TAFA2: variants seen among roughly 807,000 people sequenced by gnomAD.
TAFA2 encodes TAFA chemokine like family member 2, also known as chemokine-like protein TAFA-2.
TAFA2 carries 7 observed loss-of-function variants against 18.8 expected under a neutral mutation model. The observed-to-expected ratio is 0.37, with a 90% CI of 0.21 to 0.70. The LOEUF (loss-of-function observed/expected upper bound fraction) is 0.70. Ranked by LOEUF, TAFA2 falls within the 30% of genes least tolerant of loss-of-function variation. TAFA2 has a pLI of 0.53. For synonymous variants in TAFA2, 60 were observed against 54.2 expected (o/e 1.11, Z -0.47); for missense variants, 122 against 158.1 (o/e 0.77, Z 1.23).
intron 1 of TAFA2, among the ~76,000 whole-genome samples, chr12:61,878,366 AT>A (rs1181513224): frequency 6.6e-6 from 1 of 152,168 alleles, no homozygotes; most frequent in East Asian, 1.9e-4. Flanking sequence ...AAGAGTCGTA[AT>A]GGGAACAGCT....
chr12:62,040,547 A>C (rs1366424358), intron 1 of TAFA2, among the ~76,000 whole-genome samples: 1 of 152,130 alleles, frequency 6.6e-6, no homozygotes, highest in Non-Finnish European at 1.5e-5. Flanking sequence ...AAGCCAAGGA[A>C]CCTCAAGTAT....
At chr12:61,957,664 C>T (rs990865193) in intron 1 of TAFA2, among the ~76,000 whole-genome samples, 2 of 152,022 alleles carry the variant, frequency 1.3e-5, no homozygotes, top group African/African-American at 4.8e-5. Context: ...TCAGAGGAGC[C>T]TGATGAAAGT....
intron 1 of TAFA2, among the ~76,000 whole-genome samples, chr12:62,034,007 C>A (rs536823759): frequency 6.6e-6 from 1 of 152,164 alleles, no homozygotes. Context: ...AATCTAATCC[C>A]TTTATTCAAA....
intron 1 of TAFA2, among the ~76,000 whole-genome samples, chr12:61,947,135 TG>T (rs1565691977): frequency 7.3e-6 from 1 of 137,546 alleles, no homozygotes; most frequent in East Asian, 2.2e-4. Flanking sequence ...CCATAAAAAA[TG>T]ATGAGTTCAT....
intron 1 of TAFA2, among the ~76,000 whole-genome samples, chr12:61,874,880 T>G (rs1025502730): frequency 6.6e-6 from 1 of 152,072 alleles, no homozygotes; most frequent in African/African-American, 2.4e-5. Flanking sequence ...GTCTATAAAA[T>G]GGGAATGTTG....
chr12:61,879,006 C>A (rs1018956937), intron 1 of TAFA2, among the ~76,000 whole-genome samples: 2 of 152,076 alleles, frequency 1.3e-5, no homozygotes, highest in African/African-American at 4.8e-5. Flanking sequence ...ATTAGCACAG[C>A]CAGAACTCAA....
intron 1 of TAFA2, among the ~76,000 whole-genome samples, chr12:61,934,696 C>A (rs554933262): frequency 6.6e-6 from 1 of 152,226 alleles, no homozygotes; most frequent in African/African-American, 2.4e-5. Context: ...TGCTCTTCTG[C>A]ATCTCAGAAG....
At chr12:62,133,646 G>A (rs1870778065) in intron 1 of TAFA2, among the ~76,000 whole-genome samples, 1 of 151,896 alleles carries the variant, frequency 6.6e-6, no homozygotes, top group African/African-American at 2.4e-5. Context: ...TCTTCCCCTT[G>A]CCCTCCAAGG....
chr12:61,742,670 A>G (rs1413848978), intron 4 of TAFA2, among the ~76,000 whole-genome samples: 2 of 152,098 alleles, frequency 1.3e-5, no homozygotes, highest in African/African-American at 2.4e-5. Context: ...CCAGATTTCT[A>G]TCTTGACCTC....
intron 2 of TAFA2, among the ~76,000 whole-genome samples, chr12:61,825,015 G>A (rs772281817): frequency 3.3e-5 from 5 of 152,116 alleles, no homozygotes; most frequent in Admixed American, 6.6e-5. Flanking sequence ...AATTCCCATG[G>A]GAATAATATT....
intron 1 of TAFA2, among the ~76,000 whole-genome samples, chr12:61,869,411 C>T (rs10747945): frequency 0.6 from 91,657 of 152,054 alleles, 28,288 homozygotes; most frequent in South Asian, 0.72. Flanking sequence ...GCTCAATAAA[C>T]GCTAGCCATT....
At chr12:62,255,247 GA>G (rs1592422340) in intron 1 of TAFA2, 1 of 152,182 alleles carries the variant, frequency 6.6e-6, no homozygotes, top group Non-Finnish European at 1.5e-5. Context: ...TGAGGCTTAA[GA>G]AAGACTTCAG....
chr12:61,985,871 A>G (rs1019479888), intron 1 of TAFA2, among the ~76,000 whole-genome samples: 6 of 152,222 alleles, frequency 3.9e-5, no homozygotes, highest in African/African-American at 1.4e-4. Context: ...GATGTGAAAT[A>G]CAGATCCACA....
intron 1 of TAFA2, among the ~76,000 whole-genome samples, chr12:61,884,471 T>G (rs912888263): frequency 2.6e-5 from 4 of 152,182 alleles, no homozygotes; most frequent in African/African-American, 9.6e-5. Flanking sequence ...AGAAACTCTT[T>G]GATGATTATT....
intron 4 of TAFA2, among the ~76,000 whole-genome samples, chr12:61,750,275 C>A (rs1405721697): frequency 6.6e-6 from 1 of 152,004 alleles, no homozygotes; most frequent in African/African-American, 2.4e-5. Context: ...CTTAGGAGAT[C>A]TTAAAAGTAA....
At chr12:61,718,764 G>A (rs1869767770) in intron 4 of TAFA2, among the ~76,000 whole-genome samples, 1 of 152,120 alleles carries the variant, frequency 6.6e-6, no homozygotes, top group African/African-American at 2.4e-5. Flanking sequence ...TTCATTTGTA[G>A]AAGAGTAATT....
chr12:61,771,791 A>G (rs1033489556), intron 2 of TAFA2, among the ~76,000 whole-genome samples: 1 of 151,866 alleles, frequency 6.6e-6, no homozygotes, highest in African/African-American at 2.4e-5. Context: ...AAAGAGCACA[A>G]ATAAGCAATC....
intron 1 of TAFA2, among the ~76,000 whole-genome samples, chr12:61,886,159 A>T (rs1171669075): frequency 6.6e-6 from 1 of 152,224 alleles, no homozygotes; most frequent in Admixed American, 6.5e-5. Context: ...TTTTAGGCTC[A>T]GACCTCCCTC....
At chr12:62,253,912 A>G (rs2062926419) in intron 1 of TAFA2, among the ~76,000 whole-genome samples, 1 of 152,236 alleles carries the variant, frequency 6.6e-6, no homozygotes, top group Admixed American at 6.5e-5. Context: ...TCTGTTATGT[A>G]TCTATGTTTG....
Sources: allele counts gnomAD v4.1 joint callset (sites outside exome capture counted in the v4.1 genomes callset), GRCh38; gene constraint gnomAD v4.1.1; transcripts MANE v1.5; gene names NCBI Gene and HGNC (gene_info 2026-07-23, HGNC 2026-07-21).